The following DNAH8 variants were observed in gnomAD, a reference collection of about 807,000 sequenced individuals.
DNAH8 encodes axonemal beta dynein heavy chain 8.
DNAH8 carries 382 observed loss-of-function variants against 562.1 expected under a neutral mutation model. The ratio of observed to expected loss-of-function variants is 0.68; its 90% confidence interval spans 0.63 to 0.74. The LOEUF (loss-of-function observed/expected upper bound fraction) is 0.74, where lower values mean the gene tolerates loss of function less well. DNAH8 is among the 30% of genes least tolerant of loss of function. The pLI, the probability that DNAH8 is intolerant of heterozygous loss-of-function variation, is 0.00. For missense variants in DNAH8, 5,203 were observed against 5,620.4 expected, an observed-to-expected ratio of 0.93 and a Z score of 2.37; for synonymous variants, 1,881 against 1,919.4, an observed-to-expected ratio of 0.98 and a Z score of 0.52.
chr6:38,823,590 C>A lies in DNAH8; in HGVS notation c.3749C>A (p.Thr1250Asn). Residue 1250 changes from threonine to asparagine, a missense_variant, in exon 28 of 93, where the codon ACT becomes AAT. Transcript: ENST00000327475. ...KEFLANNPSL[T>N]EIRSEILHYA... Reference sequence around the variant, plus strand: ...TTTTTGGCTAACAACCCCTCTCTGACTGAAATCAGATCAGAAATTCTACAC... The same window carrying A: ...TTTTTGGCTAACAACCCCTCTCTGAATGAAATCAGATCAGAAATTCTACAC... The A allele has an allele frequency of 3.7e-6, 6 of 1,608,968 alleles. No homozygotes were observed. Among genetic ancestry groups the A allele is most frequent in the Non-Finnish European group, 3.4e-6 (4 of 1,175,800 alleles).
At chr6:38,832,857 A>G (rs983074460) in intron 31 of DNAH8, among the ~76,000 whole-genome samples, 3 of 151,996 alleles carry the variant, frequency 2.0e-5, no homozygotes, top group African/African-American at 7.3e-5. Flanking sequence ...TTTTACTGTT[A>G]AAAGGAGCAA....
chr6:38,955,968 G>A (rs1762217097), intron 82 of DNAH8, among the ~76,000 whole-genome samples: 2 of 152,116 alleles, frequency 1.3e-5, no homozygotes, highest in South Asian at 4.1e-4. Context: ...AGCCCTTTTT[G>A]GCCTTGAGCC....
chr6:38,779,907 G>A, intron 14 of DNAH8, 59 bp from the exon 15 acceptor site: 2 of 1,463,086 alleles, frequency 1.4e-6, no homozygotes, highest in South Asian at 1.2e-5. Flanking sequence ...TAGTATGACA[G>A]CAAGTCTTAA....
At chr6:38,884,734 A>G (rs1778787629) in intron 56 of DNAH8, among the ~76,000 whole-genome samples, 1 of 152,206 alleles carries the variant, frequency 6.6e-6, no homozygotes, top group South Asian at 2.1e-4. Flanking sequence ...TCTGAGGAGT[A>G]CGTGATGTTC....
At position 38,875,686 on chromosome 6, in the gene DNAH8, G is replaced by T. The variant is rs1214532811; in HGVS notation, c.7716G>T (p.Met2572Ile). ...ATAAATTATTTGTGTTTGGCCTAAT[G>T]TGGAGTTTAGGAGCCCTTCTGGAAT... ...HLHKLFVFGLMWSLGALLELE... is the reference protein window; with the variant it reads ...HLHKLFVFGLIWSLGALLELE... The change falls in exon 53 of 93, where the codon ATG becomes ATT. Residue 2572 changes from methionine to isoleucine, a missense_variant. By Grantham distance (10) the Met-to-Ile change is conservative (BLOSUM62 1). This residue lies in a region of DNAH8 where 977 missense variants were observed against 1,061.8 expected (regional missense o/e 0.92). Coordinates refer to ENST00000327475, the MANE Select transcript of DNAH8 (RefSeq NM_001206927.2). The T allele has an allele frequency of 6.2e-7, 1 of 1,613,868 alleles. No homozygotes were observed. The highest frequency in any genetic ancestry group is 1.7e-5 in the Admixed American group (1 of 60,014).
At chr6:38,795,619 G>A (rs567014049) in intron 21 of DNAH8, among the ~76,000 whole-genome samples, 5 of 151,862 alleles carry the variant, frequency 3.3e-5, no homozygotes, top group Admixed American at 6.6e-5. Context: ...GATGCAGGAG[G>A]CAGAATTCTG....
At chr6:38,982,312 C>T in intron 85 of DNAH8, 34 bp from the exon 86 acceptor site, 3 of 877,836 alleles carry the variant, frequency 3.4e-6, no homozygotes, top group East Asian at 2.4e-5. Context: ...GAATCAGGTA[C>T]ATGCAATACT....
intron 73 of DNAH8, among the ~76,000 whole-genome samples, chr6:38,924,590 A>G (rs1781966638): frequency 6.6e-6 from 1 of 152,182 alleles, no homozygotes; most frequent in African/African-American, 2.4e-5. Context: ...GTTTTTTTAA[A>G]AATAATTTTC....
chr6:38,746,289 C>T (rs148430630), intron 8 of DNAH8, among the ~76,000 whole-genome samples: 4 of 152,238 alleles, frequency 2.6e-5, no homozygotes, highest in African/African-American at 7.2e-5. Context: ...CTTTGGCCAT[C>T]GGGAAATCTT....
rs745900475 is a variant in DNAH8, at chr6:38,872,790, C to CA, written c.7237+11dup. ...CATTAAAAGCTAAAAAAGGTATACA[C>CA]AAACCTCCTTTGTGATCATTTTTTC... On this transcript the variant is annotated intron_variant, in intron 50 of 92. Coordinates refer to ENST00000327475, the MANE Select transcript of DNAH8 (RefSeq NM_001206927.2). 1 of 1,613,932 alleles carries CA rather than the reference C, an allele frequency of 6.2e-7. No individual in the cohort carries two copies. Among genetic ancestry groups the CA allele is most frequent in the South Asian group, 1.1e-5 (1 of 91,074 alleles).
chr6:38,995,100 G>A (rs1257573068), intron 88 of DNAH8, among the ~76,000 whole-genome samples: 1 of 139,628 alleles, frequency 7.2e-6, no homozygotes, highest in East Asian at 2.0e-4. Flanking sequence ...ATTGTTGCAT[G>A]TGTGTTTCTC....
At chr6:38,841,875 A>G (rs1424289743) in intron 33 of DNAH8, among the ~76,000 whole-genome samples, 1 of 152,020 alleles carries the variant, frequency 6.6e-6, no homozygotes, top group Admixed American at 6.6e-5. Flanking sequence ...ATGCCACCAC[A>G]CCTGGCCACA....
intron 91 of DNAH8, among the ~76,000 whole-genome samples, chr6:39,023,275 G>A (rs991972383): frequency 6.6e-6 from 1 of 152,130 alleles, no homozygotes; most frequent in Non-Finnish European, 1.5e-5. Context: ...GGCGGATCAC[G>A]AGGTCAGGAG....
chr6:38,874,068 T>TTTTCTTTCTTTCTTTCTTTC lies in DNAH8; in HGVS notation c.7620+702_7620+721dup, dbSNP rs1554124175. Among the ~76,000 whole-genome samples the TTTTCTTTCTTTCTTTCTTTC allele has an allele frequency of 2.6e-3, 150 of 57,072 alleles. 28 individuals carry two copies. The highest frequency in any genetic ancestry group is 8.8e-3 in the African/African-American group (138 of 15,634). 37.4% of individuals were successfully genotyped at this position (57,072 alleles called of 152,430 possible). A position where few individuals can be genotyped will look rare whatever the true frequency, so the allele number is the denominator to read the frequency against. On this transcript the variant is annotated intron_variant, in intron 52 of 92. Transcript: ENST00000327475. Reference sequence around the variant, plus strand: ...TTTCTTTCTTTCTTTCTTTCTTTCTTTTTCTTTCTTTCTTTCTTTCTTTCT... The same window carrying TTTTCTTTCTTTCTTTCTTTC: ...TTTCTTTCTTTCTTTCTTTCTTTCTTTTTCTTTCTTTCTTTCTTTCTTTCTTTCTTTCTTTCTTTCTTTCT...
intron 58 of DNAH8, among the ~76,000 whole-genome samples, chr6:38,892,980 T>C (rs970437993): frequency 6.6e-6 from 1 of 152,162 alleles, no homozygotes; most frequent in Non-Finnish European, 1.5e-5. Context: ...AGTCATTATC[T>C]GTCTCCTGGC....
intron 53 of DNAH8, among the ~76,000 whole-genome samples, chr6:38,881,955 C>T (rs1004600624): frequency 1.3e-5 from 2 of 152,128 alleles, no homozygotes; most frequent in Non-Finnish European, 2.9e-5. Flanking sequence ...TGCTAGGCAT[C>T]CATTACATTA....
At chr6:38,887,626 G>A (rs1334517239) in intron 57 of DNAH8, among the ~76,000 whole-genome samples, 1 of 152,048 alleles carries the variant, frequency 6.6e-6, no homozygotes, top group African/African-American at 2.4e-5. Context: ...AGGATTGCTT[G>A]AGCCTAGGAG....
At chr6:38,735,831 C>T (rs1474499047) in intron 5 of DNAH8, among the ~76,000 whole-genome samples, 1 of 152,108 alleles carries the variant, frequency 6.6e-6, no homozygotes, top group Non-Finnish European at 1.5e-5. Flanking sequence ...CAGACTGCTC[C>T]TTTTGTCAGT....
chr6:38,992,414 T>C (rs1296793426), intron 88 of DNAH8, among the ~76,000 whole-genome samples: 1 of 152,236 alleles, frequency 6.6e-6, no homozygotes, highest in Admixed American at 6.5e-5. Context: ...GAAGTATTTG[T>C]TGACTGATCA....
Sources: allele counts gnomAD v4.1 joint callset (sites outside exome capture counted in the v4.1 genomes callset), GRCh38; gene constraint gnomAD v4.1.1; regional missense constraint gnomAD v4.1.1; transcripts MANE v1.5; gene names NCBI Gene and HGNC (gene_info 2026-07-23, HGNC 2026-07-21).